Variants in LHFPL6 observed in about 807,000 individuals in gnomAD.
LHFPL6 encodes the protein LHFPL tetraspan subfamily member 6 protein.
A neutral mutation model predicts 20.6 loss-of-function variants in LHFPL6; 9 were observed. The ratio of observed to expected loss-of-function variants is 0.44; its 90% CI spans 0.26 to 0.76. LHFPL6 has a LOEUF of 0.76. Among genes scored for constraint, LHFPL6 ranks in the 30% least tolerant of loss-of-function variants. The pLI is 0.20. For missense variants in LHFPL6, 218 were observed against 253.5 expected (o/e 0.86, Z 0.95); for synonymous variants, 105 against 98.7 (o/e 1.06, Z -0.38).
At chr13:39,442,420 A>G (rs1872165117) in intron 2 of LHFPL6, among the ~76,000 whole-genome samples, 1 of 152,218 alleles carries the variant, frequency 6.6e-6, no homozygotes. Flanking sequence ...CCATGTGTGG[A>G]GAAACTTTCT....
intron 2 of LHFPL6, among the ~76,000 whole-genome samples, chr13:39,429,779 A>G (rs758219155): frequency 1.3e-5 from 2 of 152,158 alleles, no homozygotes; most frequent in Non-Finnish European, 2.9e-5. Flanking sequence ...CTACTATTCT[A>G]TTGAAACAAG....
intron 2 of LHFPL6, among the ~76,000 whole-genome samples, chr13:39,523,632 G>A (rs987711019): frequency 1.3e-5 from 2 of 151,860 alleles, no homozygotes; most frequent in Admixed American, 6.6e-5. Context: ...GATCCAACTG[G>A]ACTCTTCACT....
chr13:39,393,535 G>T (rs922600660), intron 2 of LHFPL6, among the ~76,000 whole-genome samples: 1 of 152,128 alleles, frequency 6.6e-6, no homozygotes, highest in Non-Finnish European at 1.5e-5. Flanking sequence ...GAGATGGGGA[G>T]GCACAAAATG....
intron 2 of LHFPL6, among the ~76,000 whole-genome samples, chr13:39,521,882 C>T (rs146756968): frequency 7.9e-5 from 12 of 152,244 alleles, no homozygotes; most frequent in African/African-American, 2.9e-4. Flanking sequence ...AGCTTGTGAC[C>T]AGCCAAAAAG....
At chr13:39,588,534 G>C (rs1872518250) in intron 2 of LHFPL6, among the ~76,000 whole-genome samples, 1 of 152,190 alleles carries the variant, frequency 6.6e-6, no homozygotes, top group South Asian at 2.1e-4. Context: ...ATTATTCAGA[G>C]CTTTTAAAAT....
chr13:39,347,002 C>G (rs1198663015), intron 3 of LHFPL6, among the ~76,000 whole-genome samples: 1 of 148,800 alleles, frequency 6.7e-6, no homozygotes, highest in Non-Finnish European at 1.5e-5. Flanking sequence ...ATCACTTGAA[C>G]CCGGGAGGCG....
chr13:39,572,325 T>TGG, intron 2 of LHFPL6, among the ~76,000 whole-genome samples: 1 of 144,740 alleles, frequency 6.9e-6, no homozygotes, highest in East Asian at 2.0e-4. Flanking sequence ...TGTGTGTGTG[T>TGG]GTGTGACAGT....
rs575767154 is a variant in LHFPL6 at position 39,424,319 on chromosome 13, A to G, written c.386-45793T>C. 4.6e-5 allele frequency among the ~76,000 whole-genome samples: 7 copies of G among 152,342 alleles called. No homozygotes were observed. The South Asian group carries it at 1.4e-3, about 32-fold the overall frequency. ...AATAAAGGAATAAAGGAATCACACAATAAAGGAATAAAGGAATCACACAAT... is the reference window on the plus strand; with the variant it reads ...AATAAAGGAATAAAGGAATCACACAGTAAAGGAATAAAGGAATCACACAAT... On this transcript the variant is annotated intron_variant, in intron 2 of 3. Coordinates refer to ENST00000379589, the MANE Select transcript of LHFPL6 (RefSeq NM_005780.3).
chr13:39,418,424 T>C (rs1394223391), intron 2 of LHFPL6, among the ~76,000 whole-genome samples: 2 of 138,532 alleles, frequency 1.4e-5, no homozygotes, highest in African/African-American at 5.5e-5. Flanking sequence ...ATAACTAAAA[T>C]CTGAGTAAAA....
chr13:39,368,187 C>T (rs770713065), intron 3 of LHFPL6, among the ~76,000 whole-genome samples: 2 of 151,282 alleles, frequency 1.3e-5, no homozygotes, highest in African/African-American at 2.4e-5. Context: ...AAAAATTAGC[C>T]GGGCATTGTT....
chr13:39,497,956 T>G (rs536144184), intron 2 of LHFPL6, among the ~76,000 whole-genome samples: 2 of 152,366 alleles, frequency 1.3e-5, no homozygotes, highest in South Asian at 4.1e-4. Flanking sequence ...AGTGCTAGTA[T>G]ACACTTGTAA....
chr13:39,443,724 C>T (rs1872203586), intron 2 of LHFPL6, among the ~76,000 whole-genome samples: 1 of 151,982 alleles, frequency 6.6e-6, no homozygotes, highest in Non-Finnish European at 1.5e-5. Context: ...TGGTCCCCAA[C>T]TTAAACAATT....
intron 3 of LHFPL6, among the ~76,000 whole-genome samples, chr13:39,374,873 A>C (rs537591723): frequency 1.8e-4 from 27 of 152,354 alleles, no homozygotes; most frequent in Admixed American, 1.2e-3. Flanking sequence ...CATCCCCAGC[A>C]CCTAGCCCAT....
At chr13:39,542,096 T>TATAATAATA (rs5802996) in intron 2 of LHFPL6, among the ~76,000 whole-genome samples, 29,633 of 136,842 alleles carry the variant, frequency 0.22, 3,319 homozygotes, top group South Asian at 0.3. Context: ...ATCTCAAAAA[T>TATAATAATA]ATAATAATAA....
chr13:39,488,171 G>C (rs905697975), intron 2 of LHFPL6, among the ~76,000 whole-genome samples: 4 of 152,172 alleles, frequency 2.6e-5, no homozygotes, highest in Non-Finnish European at 5.9e-5. Flanking sequence ...GGCACAGTGA[G>C]AAGGCACCAT....
intron 2 of LHFPL6, among the ~76,000 whole-genome samples, chr13:39,539,135 A>T (rs1043094289): frequency 2.6e-5 from 4 of 152,206 alleles, no homozygotes; most frequent in Admixed American, 1.3e-4. Context: ...AAAAAATAGA[A>T]GCTGGGCTTA....
At chr13:39,465,119 T>C (rs17059986) in intron 2 of LHFPL6, among the ~76,000 whole-genome samples, 1,976 of 152,302 alleles carry the variant, frequency 0.013, 40 homozygotes, top group African/African-American at 0.046. Flanking sequence ...AATTGAAGAT[T>C]TGATCACCTG....
rs142739813 is a variant in LHFPL6, at chr13:39,500,821, T to C, written c.385+100011A>G. Among the ~76,000 whole-genome samples, 419 of 152,304 alleles carry C rather than the reference T, an allele frequency of 2.8e-3. 3 individuals carry two copies. Among genetic ancestry groups the C allele is most frequent in the African/African-American group, 9.6e-3 (398 of 41,574 alleles). Reference sequence around the variant, plus strand: ...CCAAAAGCAAACCCAGTATTTCACATAGTATTAAACATAAATTAAACTTGG... The same window carrying C: ...CCAAAAGCAAACCCAGTATTTCACACAGTATTAAACATAAATTAAACTTGG... On this transcript the variant is annotated intron_variant, in intron 2 of 3. Transcript: ENST00000379589.
intron 2 of LHFPL6, among the ~76,000 whole-genome samples, chr13:39,388,056 T>A (rs1238813424): frequency 6.6e-6 from 1 of 152,118 alleles, no homozygotes; most frequent in Admixed American, 6.6e-5. Flanking sequence ...TGGGTTATTA[T>A]CAGAAGCTTA....
Sources: allele counts gnomAD v4.1 joint callset (sites outside exome capture counted in the v4.1 genomes callset), GRCh38; gene constraint gnomAD v4.1.1; transcripts MANE v1.5; gene names NCBI Gene and HGNC (gene_info 2026-07-23, HGNC 2026-07-21).